The following MACROD2 variants were observed in gnomAD, a reference collection of about 807,000 sequenced individuals.
The protein encoded by MACROD2 is mono-ADP ribosylhydrolase 2.
A neutral mutation model predicts 70.4 loss-of-function variants in MACROD2; 36 were observed. The observed-to-expected ratio is 0.51, with a 90% CI of 0.39 to 0.68. MACROD2 has a LOEUF of 0.68. Among genes scored for constraint, MACROD2 ranks in the 30% least tolerant of loss-of-function variants. The pLI, the probability that MACROD2 is intolerant of heterozygous loss-of-function variation, is 0.00. For missense variants in MACROD2, 496 were observed against 538.4 expected, an observed-to-expected ratio of 0.92 and a Z score of 0.78; for synonymous variants, 172 against 178.8, an observed-to-expected ratio of 0.96 and a Z score of 0.30.
rs535335755 is a variant in MACROD2, at chr20:15,174,367, A to T, written c.419-55573A>T. On this transcript the variant is annotated intron_variant, in intron 5 of 17. Coordinates refer to ENST00000684519, the MANE Select transcript of MACROD2 (RefSeq NM_001351661.2). ...TAAGTAAAATATATGAGCATAAAAG[A>T]TTTGCATGGCCACATTTTCTTAATC... Among the ~76,000 whole-genome samples, 16 of 152,290 alleles carry T rather than the reference A, an allele frequency of 1.1e-4. No homozygotes were observed. In the South Asian group the frequency reaches 3.1e-3, roughly 30 times the overall value.
chr20:15,365,021 T>G (rs62203484), intron 6 of MACROD2, among the ~76,000 whole-genome samples: 23,165 of 152,258 alleles, frequency 0.15, 2,271 homozygotes, highest in Non-Finnish European at 0.22. Context: ...AGAAAGAACT[T>G]CAACAGTGCA....
intron 8 of MACROD2, among the ~76,000 whole-genome samples, chr20:15,670,866 G>C (rs141626520): frequency 6.6e-6 from 1 of 152,170 alleles, no homozygotes; most frequent in South Asian, 2.1e-4. Flanking sequence ...ACCTGTGAAG[G>C]CTTGACTTTG....
chr20:15,921,662 G>C (rs190463583), intron 10 of MACROD2, among the ~76,000 whole-genome samples: 1 of 152,174 alleles, frequency 6.6e-6, no homozygotes, highest in Non-Finnish European at 1.5e-5. Context: ...TCGTTAGCAC[G>C]TATCATGACT....
Position 14,028,157 on chromosome 20 carries a change from C to T in MACROD2, c.163+25753C>T, listed in dbSNP as rs185766819. On this transcript the variant is annotated intron_variant, in intron 2 of 17. Transcript: ENST00000684519. Reference sequence around the variant, plus strand: ...AGGCAGTATGGCTACAGCGGCTCTGCGGAGCTGCAGTGGACTCCGCCTAGT... The same window carrying T: ...AGGCAGTATGGCTACAGCGGCTCTGTGGAGCTGCAGTGGACTCCGCCTAGT... Among the ~76,000 whole-genome samples the T allele has an allele frequency of 6.3e-3, 958 of 152,302 alleles. 8 individuals are homozygous for T. The highest frequency in any genetic ancestry group is 0.021 in the African/African-American group (890 of 41,570).
At chr20:14,956,891 A>G (rs147738671) in intron 5 of MACROD2, among the ~76,000 whole-genome samples, 20 of 152,232 alleles carry the variant, frequency 1.3e-4, no homozygotes, top group Non-Finnish European at 2.5e-4. Context: ...CACTACATGA[A>G]TACACGTTTA....
At chr20:15,666,449 C>T (rs2049899166) in intron 8 of MACROD2, among the ~76,000 whole-genome samples, 1 of 152,100 alleles carries the variant, frequency 6.6e-6, no homozygotes, top group East Asian at 1.9e-4. Flanking sequence ...TAAACAAAGA[C>T]TCATTTTCTC....
rs548358938 is a variant in MACROD2 at position 14,197,841 on chromosome 20, C to A, written c.271+112113C>A. 3.3e-5 allele frequency among the ~76,000 whole-genome samples: 5 copies of A among 152,100 alleles called. No individual in the cohort carries two copies. The South Asian group carries it at 1.0e-3, about 32-fold the overall frequency. Reference sequence around the variant, plus strand: ...AGTAGATGTGTTTAAAGCTAAACAACCTTTTAAAAACATCATGTTTACAGT... The same window carrying A: ...AGTAGATGTGTTTAAAGCTAAACAAACTTTTAAAAACATCATGTTTACAGT... On this transcript the variant is annotated intron_variant, in intron 3 of 17. Transcript: ENST00000684519.
At chr20:15,076,624 T>C (rs1167294566) in intron 5 of MACROD2, among the ~76,000 whole-genome samples, 1 of 152,194 alleles carries the variant, frequency 6.6e-6, no homozygotes, top group African/African-American at 2.4e-5. Flanking sequence ...GCTACAAATA[T>C]GTTTTCTGTC....
intron 8 of MACROD2, among the ~76,000 whole-genome samples, chr20:15,545,596 A>G (rs981757062): frequency 1.3e-5 from 2 of 152,086 alleles, no homozygotes; most frequent in African/African-American, 4.8e-5. Flanking sequence ...CTCTTTGGCC[A>G]TATGTAGTAG....
At chr20:15,436,872 G>A (rs2046434181) in intron 7 of MACROD2, among the ~76,000 whole-genome samples, 1 of 152,068 alleles carries the variant, frequency 6.6e-6, no homozygotes, top group African/African-American at 2.4e-5. Flanking sequence ...TCATTTCCTG[G>A]TGGCACTCTT....
chr20:14,067,053 C>T (rs184604072), intron 2 of MACROD2, among the ~76,000 whole-genome samples: 9 of 149,736 alleles, frequency 6.0e-5, no homozygotes, highest in Non-Finnish European at 1.0e-4. Flanking sequence ...CCTCGTGATC[C>T]GCCCGTCTCG....
chr20:14,895,211 G>C (rs2073812908), intron 5 of MACROD2: 1 of 152,186 alleles, frequency 6.6e-6, no homozygotes, highest in Non-Finnish European at 1.5e-5. Flanking sequence ...GTTGGGAAGT[G>C]CTTATAGAAG....
intron 10 of MACROD2, among the ~76,000 whole-genome samples, chr20:15,892,048 C>A (rs2064897517): frequency 6.6e-6 from 1 of 152,130 alleles, no homozygotes; most frequent in South Asian, 2.1e-4. Flanking sequence ...TGAAAACCAC[C>A]AGGTGCCTAG....
intron 3 of MACROD2, among the ~76,000 whole-genome samples, chr20:14,118,842 ATTTT>A (rs1225541555): frequency 8.2e-6 from 1 of 121,238 alleles, no homozygotes; most frequent in East Asian, 2.4e-4. Flanking sequence ...AGTGACTGTG[ATTTT>A]TTTTTTTTTT....
intron 3 of MACROD2, among the ~76,000 whole-genome samples, chr20:14,399,524 T>G (rs1463147385): frequency 2.0e-5 from 3 of 152,188 alleles, no homozygotes; most frequent in African/African-American, 7.2e-5. Flanking sequence ...AATAATTTGA[T>G]GATAATTTGC....
chr20:14,699,229 AT>A (rs1347147382), intron 5 of MACROD2, among the ~76,000 whole-genome samples: 1 of 152,144 alleles, frequency 6.6e-6, no homozygotes, highest in African/African-American at 2.4e-5. Flanking sequence ...TTATTGTTAA[AT>A]CTCATTAAAA....
intron 4 of MACROD2, among the ~76,000 whole-genome samples, chr20:14,563,551 T>C (rs1206618531): frequency 6.6e-6 from 1 of 151,912 alleles, no homozygotes; most frequent in African/African-American, 2.4e-5. Flanking sequence ...TTAGTTAAAC[T>C]TTTTATTTTG....
chr20:15,958,703 A>G (rs2066014422), intron 12 of MACROD2, among the ~76,000 whole-genome samples: 1 of 152,146 alleles, frequency 6.6e-6, no homozygotes, highest in Non-Finnish European at 1.5e-5. Flanking sequence ...ACAAATTCAT[A>G]TGTTGAAGCC....
intron 9 of MACROD2, among the ~76,000 whole-genome samples, chr20:15,867,766 A>G (rs2064514514): frequency 1.3e-5 from 2 of 152,178 alleles, no homozygotes; most frequent in African/African-American, 2.4e-5. Context: ...CGTAATAACA[A>G]TAAAGAACAT....
Sources: gnomAD v4.1 joint callset for allele counts (sites outside exome capture counted in the v4.1 genomes callset) on GRCh38, gnomAD v4.1.1 for gene constraint, MANE v1.5 for transcripts, NCBI Gene and HGNC (gene_info 2026-07-23, HGNC 2026-07-21) for gene names.